Variants in STAT5A observed in about 807,000 individuals in gnomAD.
STAT5A encodes epididymis secretory sperm binding protein.
STAT5A carries 26 observed loss-of-function variants against 100.2 expected under a neutral mutation model. The observed-to-expected ratio is 0.26, with a 90% confidence interval of 0.19 to 0.36. The LOEUF (loss-of-function observed/expected upper bound fraction) is 0.36. Among genes scored for constraint, STAT5A ranks in the 10% least tolerant of loss-of-function variants. The probability of loss-of-function intolerance (pLI) is 1.00; values close to 1 mark genes in which losing one functional copy is unlikely to be tolerated. For synonymous variants in STAT5A, 330 were observed against 424.3 expected (o/e 0.78, Z 2.73); for missense variants, 634 against 1,027.5 (o/e 0.62, Z 5.24).
chr17:42,307,852 T>C (rs2144559055), intron 15 of STAT5A, 129 bp downstream of exon 15: 2 of 1,339,432 alleles, frequency 1.5e-6, no homozygotes, highest in Non-Finnish European at 2.0e-6. Flanking sequence ...ATGAGAGGGC[T>C]GTGGCTTGGA....
At chr17:42,295,197 A>C (rs1449563597) in intron 4 of STAT5A, among the ~76,000 whole-genome samples, 1 of 152,018 alleles carries the variant, frequency 6.6e-6, no homozygotes, top group Non-Finnish European at 1.5e-5. Flanking sequence ...CCTAGGATCT[A>C]CTGCAGTCCA....
In STAT5A at chr17:42,304,471, G is replaced by A. The variant is rs755923049; in HGVS notation, c.1257+42G>A. 3 of 1,614,108 alleles carry A rather than the reference G, an allele frequency of 1.9e-6. No individual in the cohort carries two copies. Among genetic ancestry groups the A allele is most frequent in the Non-Finnish European group, 2.5e-6 (3 of 1,180,020 alleles). The stretch of plus-strand genomic sequence containing the variant: ...CCCTCGGAGGGCAGGTCTGCCCAGA[G>A]CTGAGTCCTTGTAAGCAGCCGCCAT... On this transcript the variant is annotated intron_variant, in intron 10 of 18. Coordinates refer to ENST00000590949, the MANE Select transcript of STAT5A (RefSeq NM_001288718.2). The surrounding 1 kb of genome is among the most constrained non-coding windows in gnomAD (Gnocchi z 4.8).
At chr17:42,295,542 G>A in intron 4 of STAT5A, 77 bp from the exon 5 acceptor site, 2 of 1,501,010 alleles carry the variant, frequency 1.3e-6, no homozygotes, top group South Asian at 1.2e-5. Context: ...GGGGTCTGTA[G>A]TATTGGTGTT....
rs745972463 is a variant in STAT5A, at chr17:42,310,590, G to A, written c.2306G>A (p.Arg769His). Residue 769 changes from arginine (R) to histidine (H), a missense_variant, in exon 19 of 19, where the codon CGC (arginine) becomes CAC (histidine). Around this residue, in one of 5 missense-constraint regions of STAT5A, gnomAD observed 88 missense variants for 95.1 expected, o/e 0.92. Transcript: ENST00000590949. ...GCCAGGCACGTGGAGGAACTCTTAC[G>A]CCGACCAATGGACAGTCTTGACTCC... is the stretch of plus-strand genomic sequence containing the variant. ...DVARHVEELL[R>H]RPMDSLDSRL... 4 of 1,614,196 alleles carry A rather than the reference G, an allele frequency of 2.5e-6. No individual in the cohort carries two copies. The highest frequency in any genetic ancestry group is 1.1e-5 in the South Asian group (1 of 91,086).
chr17:42,289,775 T>A, intron 2 of STAT5A, 91 bp from the exon 3 acceptor site: 2 of 1,441,762 alleles, frequency 1.4e-6, no homozygotes, highest in Non-Finnish European at 1.8e-6. Flanking sequence ...CCCTCGGTCA[T>A]GAGCCTGGGG....
At chr17:42,291,284 A>T (rs1019616707) in intron 3 of STAT5A, among the ~76,000 whole-genome samples, 8 of 152,218 alleles carry the variant, frequency 5.3e-5, no homozygotes, top group Admixed American at 1.3e-4. Flanking sequence ...GTAAATACAG[A>T]TGAAGCGTCA....
chr17:42,288,504 A>AGCCGCCGCT lies in STAT5A; in HGVS notation c.-96_-88dup, dbSNP rs1323724023. The AGCCGCCGCT allele has an allele frequency of 3.3e-5, 5 of 153,634 alleles. No individual in the cohort carries two copies. The South Asian group carries it at 7.3e-4, about 23-fold the overall frequency. The allele number at this position is 153,634 out of a possible 1,614,324, so 9.5% of individuals were successfully genotyped here. On this transcript the variant is annotated 5_prime_UTR_variant, in exon 1 of 19. Coordinates refer to ENST00000590949, the MANE Select transcript of STAT5A (RefSeq NM_001288718.2). This position sits in a 1 kb window ranked among gnomAD's most constrained non-coding sequence, Gnocchi z 4.8. ...GCTCTCCGCTCCTTCCTGTAGTAAC[A>AGCCGCCGCT]GCCGCCGCTGCCGCCGCCGCCAGGA...
At chr17:42,293,921 A>G (rs929941989) in intron 4 of STAT5A, among the ~76,000 whole-genome samples, 1 of 152,188 alleles carries the variant, frequency 6.6e-6, no homozygotes, top group Non-Finnish European at 1.5e-5. Flanking sequence ...ATGGATAAAA[A>G]TAGATAGAGA....
At position 42,306,283 on chromosome 17, in the gene STAT5A, C is replaced by T; in HGVS notation, c.1516C>T (p.Gln506Ter). ...CGTGCCTGACAAAGTGCTGTGGCCG[C>T]AGCTGTGTGAGGCGCTCAACATGAA... ...FAVPDKVLWPQLCEALNMKFK... is the reference protein window; with the variant it reads ...FAVPDKVLWP The change falls in exon 13 of 19, where the codon CAG becomes TAG. Residue 506 changes from glutamine to a stop codon, truncating the protein, a stop_gained. Transcript: ENST00000590949. LOFTEE classifies it high-confidence loss of function. The T allele has an allele frequency of 6.2e-7, 1 of 1,614,090 alleles. No homozygotes were observed.
chr17:42,306,281 C>G lies in STAT5A; in HGVS notation c.1514C>G (p.Pro505Arg). The G allele has an allele frequency of 6.2e-7, 1 of 1,614,016 alleles. No homozygotes were observed. Among genetic ancestry groups the G allele is most frequent in the Non-Finnish European group, 8.5e-7 (1 of 1,179,938 alleles). ...PFAVPDKVLWPQLCEALNMKF... is the reference protein window; with the variant it reads ...PFAVPDKVLWRQLCEALNMKF... ...GCCGTGCCTGACAAAGTGCTGTGGCCGCAGCTGTGTGAGGCGCTCAACATG... is the reference window on the plus strand; with the variant it reads ...GCCGTGCCTGACAAAGTGCTGTGGCGGCAGCTGTGTGAGGCGCTCAACATG... The change falls in exon 13 of 19, where the codon CCG becomes CGG. Residue 505 changes from proline to arginine, a missense_variant. Pro to Arg is a moderately radical substitution (Grantham distance 103). Around this residue, in one of 5 missense-constraint regions of STAT5A, gnomAD observed 210 missense variants for 428.4 expected, o/e 0.49. Coordinates refer to ENST00000590949, the MANE Select transcript of STAT5A (RefSeq NM_001288718.2).
intron 9 of STAT5A, among the ~76,000 whole-genome samples, chr17:42,302,779 C>G (rs1005693285): frequency 6.6e-6 from 1 of 151,576 alleles, no homozygotes; most frequent in African/African-American, 2.4e-5. Context: ...ACTAAAAATA[C>G]AAAAATTAGC....
chr17:42,301,579 C>T (rs914403484), intron 9 of STAT5A, 125 bp downstream of exon 9: 20 of 1,393,928 alleles, frequency 1.4e-5, no homozygotes, highest in Admixed American at 2.1e-5. Flanking sequence ...TGGTCTCGAA[C>T]TCCTGGACTC....
intron 13 of STAT5A, 86 bp from the exon 14 acceptor site, chr17:42,307,316 T>A: frequency 7.4e-7 from 1 of 1,353,258 alleles, no homozygotes; most frequent in African/African-American, 1.4e-5. Context: ...GGGAGAAGAC[T>A]GGGTGGGGGC....
In STAT5A at chr17:42,304,757, A is replaced by G; in HGVS notation, c.1380+105A>G. On this transcript the variant is annotated intron_variant, in intron 11 of 18. Coordinates refer to ENST00000590949, the MANE Select transcript of STAT5A (RefSeq NM_001288718.2). The surrounding 1 kb of genome is among the most constrained non-coding windows in gnomAD (Gnocchi z 4.8). ...CAATGCCATCGGACAGCCTGCTTTG[A>G]CTCTGTGGGTCCCTGTTTGATAGGT... The G allele has an allele frequency of 6.5e-7, 1 of 1,536,588 alleles. No homozygotes were observed. Among genetic ancestry groups the G allele is most frequent in the Non-Finnish European group, 8.8e-7 (1 of 1,132,330 alleles).
rs752362039 is a variant in STAT5A, at chr17:42,304,328, C to T, written c.1170-14C>T. The T allele has an allele frequency of 2.5e-6, 4 of 1,613,810 alleles. No homozygotes were observed. The highest frequency in any genetic ancestry group is 3.4e-6 in the Non-Finnish European group (4 of 1,179,858). On this transcript the variant is annotated splice_polypyrimidine_tract_variant and intron_variant, in intron 9 of 18. Coordinates refer to ENST00000590949, the MANE Select transcript of STAT5A (RefSeq NM_001288718.2). The surrounding 1 kb of genome is among the most constrained non-coding windows in gnomAD (Gnocchi z 4.8). ...GGGGCCCATGTGGAGCTGGGACCCC[C>T]CTCTCCTTTGCAGCGAGTGCAGTGG...
intron 18 of STAT5A, 101 bp downstream of exon 18, chr17:42,309,585 T>C: frequency 8.1e-7 from 1 of 1,231,690 alleles, no homozygotes; most frequent in Admixed American, 2.3e-5. Flanking sequence ...GAGCTCTGGT[T>C]AGGCCCAAGT....
chr17:42,289,612 A>T, intron 2 of STAT5A, 73 bp downstream of exon 2: 1 of 1,558,208 alleles, frequency 6.4e-7, no homozygotes, highest in Non-Finnish European at 8.7e-7. Context: ...AGTTTTACTC[A>T]TGGTGGTTTG....
At position 42,308,929 on chromosome 17, in the gene STAT5A, T is replaced by A; in HGVS notation, c.2063-118T>A. 7.5e-7 allele frequency: 1 copy of A among 1,328,156 alleles called. No individual in the cohort carries two copies. Among genetic ancestry groups the A allele is most frequent in the Middle Eastern group, 1.8e-4 (1 of 5,420 alleles). The allele number at this position is 1,328,156 out of a possible 1,614,324, so 82.3% of individuals were successfully genotyped here. On this transcript the variant is annotated intron_variant, in intron 16 of 18. Coordinates refer to ENST00000590949, the MANE Select transcript of STAT5A (RefSeq NM_001288718.2). The surrounding 1 kb of genome is among the most constrained non-coding windows in gnomAD (Gnocchi z 4.6). ...TATTGGGGGTCCTTGGGAAATCTCA[T>A]CCCAGCTGAGAACACAAGGTGATGT...
chr17:42,300,706 C>G lies in STAT5A; in HGVS notation c.834-9C>G. Reference sequence around the variant, plus strand: ...TTGTCCTCCTGTTGGCCTTGGGGCTCTCGTGCAGGTGTGAGAAGTTGGCCG... The same window carrying G: ...TTGTCCTCCTGTTGGCCTTGGGGCTGTCGTGCAGGTGTGAGAAGTTGGCCG... On this transcript the variant is annotated splice_polypyrimidine_tract_variant and intron_variant, in intron 7 of 18. Transcript: ENST00000590949. 6.2e-7 allele frequency: 1 copy of G among 1,613,754 alleles called. No homozygotes were observed. Among genetic ancestry groups the G allele is most frequent in the African/African-American group, 1.3e-5 (1 of 75,004 alleles).
Sources: gnomAD v4.1 joint callset for allele counts (sites outside exome capture counted in the v4.1 genomes callset) on GRCh38, gnomAD v4.1.1 for gene constraint, gnomAD v4.1.1 regional missense constraint, Gnocchi (gnomAD v3.1) non-coding constraint, MANE v1.5 for transcripts, NCBI Gene and HGNC (gene_info 2026-07-23, HGNC 2026-07-21) for gene names.